KSR2: variants seen among roughly 807,000 people sequenced by gnomAD.
KSR2 encodes the protein kinase suppressor of ras 2.
A neutral mutation model predicts 107.8 loss-of-function variants in KSR2; 25 were observed. That is an observed-to-expected ratio of 0.23 (90% CI 0.17 to 0.32). KSR2 has a LOEUF of 0.32. KSR2 is among the 10% of genes least tolerant of loss of function. The pLI, the probability that KSR2 is intolerant of heterozygous loss-of-function variation, is 1.00. For missense variants in KSR2, 887 were observed against 1,268.9 expected, an observed-to-expected ratio of 0.70 and a Z score of 4.57; for synonymous variants, 480 against 507.0, an observed-to-expected ratio of 0.95 and a Z score of 0.71.
At chr12:117,874,644 C>T (rs1297258891) in intron 1 of KSR2, among the ~76,000 whole-genome samples, 4 of 152,132 alleles carry the variant, frequency 2.6e-5, no homozygotes, top group South Asian at 2.1e-4. Flanking sequence ...AACTCAGGAC[C>T]TCTAGTTCCC....
At chr12:117,671,804 C>A (rs1019632628) in intron 4 of KSR2, among the ~76,000 whole-genome samples, 2 of 152,154 alleles carry the variant, frequency 1.3e-5, no homozygotes, top group African/African-American at 4.8e-5. Context: ...CCACCTCCCC[C>A]AAACTCCCAT....
intron 14 of KSR2, among the ~76,000 whole-genome samples, chr12:117,510,877 CAAAAAAAA>C (rs58668449): frequency 9.7e-6 from 1 of 103,200 alleles, no homozygotes; most frequent in Admixed American, 1.0e-4. Flanking sequence ...GACCCTGTCT[CAAAAAAAA>C]AAAAAAAAAA....
rs868287253 is a variant in KSR2 at position 117,560,026 on chromosome 12, T to C, written c.1326-1453A>G. On this transcript the variant is annotated intron_variant, in intron 7 of 19. Coordinates refer to ENST00000339824, the MANE Select transcript of KSR2 (RefSeq NM_173598.6). ...TTACAGTTGCCCCCTACTCTCTTCC[T>C]GATTTGATAGTTCTCTTTAAAATAA... Among the ~76,000 whole-genome samples the C allele has an allele frequency of 1.3e-4, 20 of 152,180 alleles. No homozygotes were observed. In the South Asian group the frequency reaches 1.7e-3, roughly 13 times the overall value.
At chr12:117,856,545 C>T (rs1038208258) in intron 2 of KSR2, among the ~76,000 whole-genome samples, 1 of 152,066 alleles carries the variant, frequency 6.6e-6, no homozygotes, top group African/African-American at 2.4e-5. Flanking sequence ...GGCGCGATCT[C>T]GGCTCACTGC....
chr12:117,684,379 T>C (rs1293081506), intron 4 of KSR2, among the ~76,000 whole-genome samples: 1 of 152,166 alleles, frequency 6.6e-6, no homozygotes, highest in African/African-American at 2.4e-5. Flanking sequence ...AACAGCTCCA[T>C]AAAAACAGTT....
intron 5 of KSR2, among the ~76,000 whole-genome samples, chr12:117,645,793 G>T (rs936578241): frequency 1.3e-5 from 2 of 151,852 alleles, no homozygotes; most frequent in African/African-American, 4.8e-5. Flanking sequence ...AAACCACTCT[G>T]CTTGAACTCT....
At chr12:117,554,015 C>T (rs1877492499) in intron 9 of KSR2, among the ~76,000 whole-genome samples, 1 of 152,134 alleles carries the variant, frequency 6.6e-6, no homozygotes, top group East Asian at 1.9e-4. Flanking sequence ...GCCAAATAAA[C>T]ATTTTTCTTT....
At chr12:117,694,478 A>G (rs1885966398) in intron 4 of KSR2, among the ~76,000 whole-genome samples, 1 of 152,204 alleles carries the variant, frequency 6.6e-6, no homozygotes, top group Admixed American at 6.5e-5. Flanking sequence ...TTTTCTTTAT[A>G]AATTAACCAG....
chr12:117,626,138 T>C (rs1330185414), intron 5 of KSR2, among the ~76,000 whole-genome samples: 1 of 152,226 alleles, frequency 6.6e-6, no homozygotes, highest in Non-Finnish European at 1.5e-5. Context: ...ATTTTGTTGA[T>C]CTTTTCAAAA....
At chr12:117,515,129 G>T (rs1231189233) in intron 14 of KSR2, among the ~76,000 whole-genome samples, 1 of 152,214 alleles carries the variant, frequency 6.6e-6, no homozygotes, top group East Asian at 1.9e-4. Flanking sequence ...ATGACGGGCA[G>T]ACATCATGCC....
At chr12:117,693,835 G>GAGGA (rs1885935054) in intron 4 of KSR2, among the ~76,000 whole-genome samples, 1 of 152,174 alleles carries the variant, frequency 6.6e-6, no homozygotes, top group East Asian at 1.9e-4. Flanking sequence ...CATTTATCAA[G>GAGGA]TTGTCTGCCC....
In KSR2 at chr12:117,535,911, A is replaced by G. The variant is rs1046342689; in HGVS notation, c.1687+3808T>C. ...TAGCAAGGAGCAAAGCTGGGATCCA[A>G]CTCCAGGTCTGTCTGTCCATGCAGC... is the stretch of plus-strand genomic sequence containing the variant. On this transcript the variant is annotated intron_variant, in intron 10 of 19. Coordinates refer to ENST00000339824, the MANE Select transcript of KSR2 (RefSeq NM_173598.6). Among the ~76,000 whole-genome samples the G allele has an allele frequency of 2.6e-5, 4 of 151,652 alleles. No individual in the cohort carries two copies. In the Middle Eastern group the frequency reaches 0.01, roughly 390 times the overall value.
rs1412532848 is a variant in KSR2 at position 117,459,511 on chromosome 12, C to A, written c.*7688G>T. 6.6e-6 allele frequency: 1 copy of A among 152,152 alleles called. No homozygotes were observed. The highest frequency in any genetic ancestry group is 1.5e-5 in the Non-Finnish European group (1 of 68,042). 9.4% of individuals were successfully genotyped at this position (152,152 alleles called of 1,614,324 possible). On this transcript the variant is annotated 3_prime_UTR_variant, in exon 20 of 20. Coordinates refer to ENST00000339824, the MANE Select transcript of KSR2 (RefSeq NM_173598.6). ...ACAGCAGGGGACACTGGTGGTAGAT[C>A]CATTACATATTTGTACTCCTTGGAC...
chr12:117,753,999 TG>T lies in KSR2; in HGVS notation c.986+7011del, dbSNP rs1351483395. 2.0e-3 allele frequency among the ~76,000 whole-genome samples: 271 copies of T among 132,664 alleles called. 3 individuals carry two copies. The Middle Eastern group carries it at 0.021, about 10-fold the overall frequency. The allele number at this position is 132,664 out of a possible 152,430, so 87.0% of individuals were successfully genotyped here. A position where few individuals can be genotyped will look rare whatever the true frequency, so the allele number is the denominator to read the frequency against. On this transcript the variant is annotated intron_variant, in intron 4 of 19. Coordinates refer to ENST00000339824, the MANE Select transcript of KSR2 (RefSeq NM_173598.6). ...GTGTGTGTGTGTGTGTGTGTGTGTG[TG>T]TTTTAGGAATGCCAGAGGAATAAAA...
chr12:117,649,951 A>T (rs1386085436), intron 5 of KSR2, among the ~76,000 whole-genome samples: 1 of 152,184 alleles, frequency 6.6e-6, no homozygotes, highest in African/African-American at 2.4e-5. Flanking sequence ...CAGGGACCCC[A>T]CATTATTCAT....
chr12:117,681,420 T>C (rs1885359526), intron 4 of KSR2, among the ~76,000 whole-genome samples: 2 of 152,034 alleles, frequency 1.3e-5, no homozygotes, highest in Non-Finnish European at 2.9e-5. Flanking sequence ...TTTGAAAGAT[T>C]TGAAGGAAGA....
chr12:117,913,024 A>G (rs1895067936), intron 1 of KSR2, among the ~76,000 whole-genome samples: 1 of 152,184 alleles, frequency 6.6e-6, no homozygotes, highest in South Asian at 2.1e-4. Flanking sequence ...GCAGGCCCAG[A>G]GGTGAGAGGC....
At chr12:117,467,877 C>T in intron 19 of KSR2, 1 of 438,680 alleles carries the variant, frequency 2.3e-6, no homozygotes, top group South Asian at 1.6e-5. Context: ...ATGGAAAATT[C>T]CACTGAACCC....
At chr12:117,489,567 A>C (rs957418287) in intron 14 of KSR2, among the ~76,000 whole-genome samples, 5 of 149,454 alleles carry the variant, frequency 3.3e-5, no homozygotes, top group Non-Finnish European at 7.4e-5. Context: ...AAAAAAAAAA[A>C]GTAAGCAGGG....
Sources: allele counts gnomAD v4.1 joint callset (sites outside exome capture counted in the v4.1 genomes callset), GRCh38; gene constraint gnomAD v4.1.1; transcripts MANE v1.5; gene names NCBI Gene and HGNC (gene_info 2026-07-23, HGNC 2026-07-21).